Variants in EVI5 observed in about 807,000 individuals in gnomAD.
The protein encoded by EVI5 is ecotropic viral integration site 5 protein homolog.
Under a neutral mutation model 112.0 loss-of-function variants are expected in EVI5, and 73 were observed. The ratio of observed to expected loss-of-function variants is 0.65; its 90% CI spans 0.54 to 0.79. The LOEUF (loss-of-function observed/expected upper bound fraction) is 0.79. Among genes scored for constraint, EVI5 ranks in the 30% least tolerant of loss-of-function variants. EVI5 has a pLI of 0.00. For missense variants in EVI5, 900 were observed against 968.8 expected, an observed-to-expected ratio of 0.93 and a Z score of 0.94; for synonymous variants, 305 against 319.9, an observed-to-expected ratio of 0.95 and a Z score of 0.50.
intron 1 of EVI5, chr1:92,756,764 C>T: frequency 2.0e-6 from 1 of 505,008 alleles, no homozygotes; most frequent in Non-Finnish European, 4.0e-6. Flanking sequence ...ATGCACGCCT[C>T]ATCTTACAAG....
chr1:92,621,992 G>A (rs1654694063), intron 16 of EVI5, among the ~76,000 whole-genome samples: 2 of 151,880 alleles, frequency 1.3e-5, no homozygotes, highest in South Asian at 2.1e-4. Context: ...GTGGTAGTGG[G>A]CGCCTGTAAT....
chr1:92,574,401 T>C (rs937092023), intron 18 of EVI5, among the ~76,000 whole-genome samples: 1 of 152,194 alleles, frequency 6.6e-6, no homozygotes, highest in South Asian at 2.1e-4. Flanking sequence ...ACTTAAAAAG[T>C]TGAACAATTA....
chr1:92,511,558 G>A lies in EVI5; in HGVS notation c.*2098C>T, dbSNP rs1659192865. The A allele has an allele frequency of 6.6e-6, 1 of 152,142 alleles. No individual in the cohort carries two copies. The allele number at this position is 152,142 out of a possible 1,614,324, so 9.4% of individuals were successfully genotyped here. A position where few individuals can be genotyped will look rare whatever the true frequency, so the allele number is the denominator to read the frequency against. On this transcript the variant is annotated 3_prime_UTR_variant, in exon 20 of 20. Coordinates refer to ENST00000684568, the MANE Select transcript of EVI5 (RefSeq NM_001350197.2). Reference sequence around the variant, plus strand: ...AGGTTAAAATCTTGGCTCTTGCTGGGAGCAGTAGCTCGCACCTGTAATCCC... The same window carrying A: ...AGGTTAAAATCTTGGCTCTTGCTGGAAGCAGTAGCTCGCACCTGTAATCCC...
intron 1 of EVI5, among the ~76,000 whole-genome samples, chr1:92,777,932 G>T (rs535352851): frequency 6.7e-6 from 1 of 149,270 alleles, no homozygotes; most frequent in Non-Finnish European, 1.5e-5. Context: ...TTTTTGTGAC[G>T]GAGTGTCACT....
chr1:92,769,969 G>A (rs1416651971), intron 1 of EVI5, among the ~76,000 whole-genome samples: 1 of 152,174 alleles, frequency 6.6e-6, no homozygotes, highest in Non-Finnish European at 1.5e-5. Context: ...AAGTCTTTAT[G>A]AGAGAGAAAA....
intron 18 of EVI5, among the ~76,000 whole-genome samples, chr1:92,597,861 T>C (rs891075301): frequency 1.3e-5 from 2 of 152,122 alleles, no homozygotes; most frequent in Non-Finnish European, 2.9e-5. Flanking sequence ...GAGTTCTAGA[T>C]CAGCCTGGGC....
In EVI5 at chr1:92,533,850, T is replaced by G. The variant is rs536675775; in HGVS notation, c.2167-19880A>C. On this transcript the variant is annotated intron_variant, in intron 19 of 19. Transcript: ENST00000684568. The stretch of plus-strand genomic sequence containing the variant: ...ACTGAGTGGGCAAAAACTGGAAGCA[T>G]TCCCTTTGAAAACTGGCACAAGACA... Among the ~76,000 whole-genome samples, 61 of 152,314 alleles carry G rather than the reference T, an allele frequency of 4.0e-4. 1 individual carries two copies. Among genetic ancestry groups the G allele is most frequent in the Admixed American group, 3.7e-3 (57 of 15,306 alleles).
intron 18 of EVI5, among the ~76,000 whole-genome samples, chr1:92,590,593 C>T (rs1041072103): frequency 6.6e-6 from 1 of 152,100 alleles, no homozygotes; most frequent in African/African-American, 2.4e-5. Flanking sequence ...TGAACAGTCT[C>T]CAAGAAATAT....
At chr1:92,535,824 G>C (rs1663796644) in intron 19 of EVI5, among the ~76,000 whole-genome samples, 1 of 151,824 alleles carries the variant, frequency 6.6e-6, no homozygotes, top group African/African-American at 2.4e-5. Context: ...CGGGTTGATG[G>C]GTGCAGCAAA....
chr1:92,570,694 C>G (rs1179290257), intron 18 of EVI5, among the ~76,000 whole-genome samples: 1 of 152,012 alleles, frequency 6.6e-6, no homozygotes, highest in Non-Finnish European at 1.5e-5. Context: ...ATTCTTTCCT[C>G]CAGAGAAACT....
rs925888770 is a variant in EVI5 at position 92,510,398 on chromosome 1, A to G, written c.*3258T>C. 1 of 152,176 alleles carries G rather than the reference A, an allele frequency of 6.6e-6. No individual in the cohort carries two copies. Among genetic ancestry groups the G allele is most frequent in the Admixed American group, 6.5e-5 (1 of 15,278 alleles). 9.4% of individuals were successfully genotyped at this position (152,176 alleles called of 1,614,324 possible). The stretch of plus-strand genomic sequence containing the variant: ...TACAGATATCTTTCTACAGTTTTCT[A>G]TGGAATAAGAGACTTCATCATATAA... On this transcript the variant is annotated 3_prime_UTR_variant, in exon 20 of 20. Transcript: ENST00000684568.
chr1:92,724,168 C>T (rs538346659), intron 2 of EVI5, among the ~76,000 whole-genome samples: 9 of 152,268 alleles, frequency 5.9e-5, no homozygotes, highest in South Asian at 2.1e-4. Context: ...ACCCCCTCCC[C>T]TTTTAAAATC....
At chr1:92,607,463 A>T in intron 17 of EVI5, 118 bp downstream of exon 17, 1 of 708,542 alleles carries the variant, frequency 1.4e-6, no homozygotes, top group Non-Finnish European at 2.1e-6. Context: ...CAGGAAAAGT[A>T]GAAAATAGGA....
At chr1:92,553,505 G>C (rs1667272003) in intron 19 of EVI5, among the ~76,000 whole-genome samples, 1 of 151,632 alleles carries the variant, frequency 6.6e-6, no homozygotes, top group Non-Finnish European at 1.5e-5. Flanking sequence ...CTTTCTCCAT[G>C]TTGGTCAGGC....
intron 2 of EVI5, among the ~76,000 whole-genome samples, chr1:92,725,888 TA>T (rs1675493746): frequency 6.6e-6 from 1 of 152,178 alleles, no homozygotes; most frequent in African/African-American, 2.4e-5. Context: ...TTCAAAAGTT[TA>T]ATAGAGACAT....
intron 13 of EVI5, among the ~76,000 whole-genome samples, chr1:92,640,676 C>T (rs940535592): frequency 9.2e-5 from 14 of 152,072 alleles, no homozygotes; most frequent in African/African-American, 3.4e-4. Context: ...TTAGTTCAAC[C>T]AACACGGTTC....
In EVI5 at chr1:92,785,086, G is replaced by A; in HGVS notation, c.-332C>T. The A allele has an allele frequency of 1.0e-5, 10 of 985,526 alleles. No individual in the cohort carries two copies. Among genetic ancestry groups the A allele is most frequent in the Non-Finnish European group, 9.6e-6 (8 of 830,042 alleles). The allele number at this position is 985,526 out of a possible 1,614,324, so 61.0% of individuals were successfully genotyped here. ...GGCCAGCTGGTTCCTCCGGGGTCCG[G>A]CCCGGCCGCGTCAGGAGAGCCCAAG... On this transcript the variant is annotated 5_prime_UTR_variant, in exon 1 of 20. Coordinates refer to ENST00000684568, the MANE Select transcript of EVI5 (RefSeq NM_001350197.2).
intron 19 of EVI5, among the ~76,000 whole-genome samples, chr1:92,551,282 CT>C (rs10709857): frequency 0.85 from 129,353 of 151,850 alleles, 55,471 homozygotes; most frequent in East Asian, 0.97. Context: ...CCGCCTCTGC[CT>C]TCCCTAAGTG....
chr1:92,665,949 G>A lies in EVI5; in HGVS notation c.1202C>T (p.Thr401Ile). 1 of 1,603,572 alleles carries A rather than the reference G, an allele frequency of 6.2e-7. No individual in the cohort carries two copies. Among genetic ancestry groups the A allele is most frequent in the Non-Finnish European group, 8.5e-7 (1 of 1,175,798 alleles). The change falls in exon 11 of 20, where the codon ACA becomes ATA. Residue 401 changes from threonine (T) to isoleucine (I), a missense_variant. Transcript: ENST00000684568. ...TAGTCACTTACTTACTTTTTCTAATGTCTCGATGCGCTGTTTTAAAAGTCT... is the reference window on the plus strand; with the variant it reads ...TAGTCACTTACTTACTTTTTCTAATATCTCGATGCGCTGTTTTAAAAGTCT... ...ENRLLKQRIE[T>I]LEKESASLAD... is the part of the protein sequence containing the mutation.
Sources: gnomAD v4.1 joint callset for allele counts (sites outside exome capture counted in the v4.1 genomes callset) on GRCh38, gnomAD v4.1.1 for gene constraint, MANE v1.5 for transcripts, NCBI Gene and HGNC (gene_info 2026-07-23, HGNC 2026-07-21) for gene names.